RIMKLB: variants seen among roughly 807,000 people sequenced by gnomAD.
RIMKLB encodes ribosomal modification protein rimK like family member B, also known as beta-citrylglutamate synthase B.
Under a neutral mutation model 32.0 loss-of-function variants are expected in RIMKLB, and 7 were observed. The observed-to-expected ratio is 0.22, with a 90% CI of 0.12 to 0.41. The LOEUF is 0.41. Ranked by LOEUF, RIMKLB falls within the 10% of genes least tolerant of loss-of-function variation. RIMKLB has a pLI of 1.00. For synonymous variants in RIMKLB, 172 were observed against 185.1 expected (o/e 0.93, Z 0.57); for missense variants, 289 against 498.7 (o/e 0.58, Z 4.00).
the RIMKLB span, among the ~76,000 whole-genome samples, chr12:8,670,065 C>T: frequency 1.3e-5 from 2 of 149,366 alleles, no homozygotes; most frequent in African/African-American, 5.0e-5. Context: ...GGAATCAAGA[C>T]CCCCATGATT....
chr12:8,738,780 G>T (rs1180968933), intron 2 of RIMKLB, among the ~76,000 whole-genome samples: 1 of 152,170 alleles, frequency 6.6e-6, no homozygotes, highest in Non-Finnish European at 1.5e-5. Flanking sequence ...GAAGCTCCAA[G>T]AAATTTCATT....
Position 8,775,482 on chromosome 12 carries a change from C to T in RIMKLB, c.*1698C>T, listed in dbSNP as rs976353029. On this transcript the variant is annotated 3_prime_UTR_variant, in exon 6 of 6. Coordinates refer to ENST00000535829, the MANE Select transcript of RIMKLB (RefSeq NM_001297776.2). ...AAACAGCAAGTTTTCCATCTCCCTA[C>T]GAATCCTCTGAAGCTTTTACCCAAG... The T allele has an allele frequency of 5.1e-6, 5 of 985,650 alleles. No homozygotes were observed. In the African/African-American group the frequency reaches 5.2e-5, roughly 10 times the overall value. 61.1% of individuals were successfully genotyped at this position (985,650 alleles called of 1,614,324 possible). A position where few individuals can be genotyped will look rare whatever the true frequency, so the allele number is the denominator to read the frequency against.
upstream of RIMKLB, among the ~76,000 whole-genome samples, chr12:8,696,320 G>T (rs1942888827): frequency 6.6e-6 from 1 of 152,182 alleles, no homozygotes; most frequent in Non-Finnish European, 1.5e-5. Flanking sequence ...CAGAGTGGAA[G>T]TAAATAGCAA....
chr12:8,735,624 G>A (rs1360354163), intron 2 of RIMKLB, among the ~76,000 whole-genome samples: 1 of 151,948 alleles, frequency 6.6e-6, no homozygotes, highest in Non-Finnish European at 1.5e-5. Context: ...TTAGCTTTGG[G>A]TCAAAAATTT....
At chr12:8,759,945 T>A (rs959126983) in intron 5 of RIMKLB, among the ~76,000 whole-genome samples, 1 of 152,222 alleles carries the variant, frequency 6.6e-6, no homozygotes, top group African/African-American at 2.4e-5. Context: ...CATCTTTATT[T>A]TTTATTTATT....
chr12:8,738,651 A>T (rs1159579869), intron 2 of RIMKLB, among the ~76,000 whole-genome samples: 2 of 152,208 alleles, frequency 1.3e-5, no homozygotes, highest in Non-Finnish European at 2.9e-5. Flanking sequence ...ATTTAGTCTA[A>T]ATAAGAAAAG....
intron 5 of RIMKLB, among the ~76,000 whole-genome samples, chr12:8,770,516 T>C (rs1232005025): frequency 6.6e-6 from 1 of 152,214 alleles, no homozygotes; most frequent in Non-Finnish European, 1.5e-5. Context: ...TTACTCCTCA[T>C]ATTCATCTTC....
chr12:8,670,823 T>C, the RIMKLB span, among the ~76,000 whole-genome samples: 1 of 152,268 alleles, frequency 6.6e-6, no homozygotes, highest in African/African-American at 2.4e-5. Flanking sequence ...CAGCAAACTT[T>C]TGCTTGGGCA....
At chr12:8,706,500 G>C (rs929099029) in intron 1 of RIMKLB, among the ~76,000 whole-genome samples, 6 of 149,816 alleles carry the variant, frequency 4.0e-5, no homozygotes, top group African/African-American at 1.2e-4. Flanking sequence ...ACCCAGGCTG[G>C]AGTGCAATGG....
At chr12:8,742,641 A>G (rs1487325764) in intron 2 of RIMKLB, 1 of 260,420 alleles carries the variant, frequency 3.8e-6, no homozygotes, top group Non-Finnish European at 7.4e-6. Flanking sequence ...GCCATTGAAA[A>G]CTGTATTGAT....
At chr12:8,746,533 G>A (rs1428517969) in intron 2 of RIMKLB, among the ~76,000 whole-genome samples, 2 of 150,788 alleles carry the variant, frequency 1.3e-5, no homozygotes, top group African/African-American at 4.9e-5. Context: ...AGGAGGCAGA[G>A]GTTGCAGTGA....
At chr12:8,707,988 T>TC (rs1336428741) in intron 1 of RIMKLB, among the ~76,000 whole-genome samples, 2 of 152,190 alleles carry the variant, frequency 1.3e-5, no homozygotes, top group African/African-American at 4.8e-5. Flanking sequence ...ACAAATGGAA[T>TC]AAATGCTATT....
chr12:8,723,478 CAA>C (rs1437774830), intron 2 of RIMKLB, among the ~76,000 whole-genome samples: 1 of 152,198 alleles, frequency 6.6e-6, no homozygotes, highest in African/African-American at 2.4e-5. Flanking sequence ...CACAAAGACA[CAA>C]AGTGAGCACT....
upstream of RIMKLB, chr12:8,697,963 C>CTG (rs1942986389): frequency 6.6e-6 from 1 of 150,620 alleles, no homozygotes; most frequent in East Asian, 2.0e-4. Context: ...GTCGCGCGCG[C>CTG]TGTGTGTGAG....
chr12:8,691,749 A>T (rs1192471860), intron 1 of RIMKLB, among the ~76,000 whole-genome samples: 1 of 152,232 alleles, frequency 6.6e-6, no homozygotes, highest in African/African-American at 2.4e-5. Context: ...CCCCAGTCTA[A>T]GTCTTTCATT....
chr12:8,687,451 AG>A (rs1430272496), intron 1 of RIMKLB, among the ~76,000 whole-genome samples: 6 of 152,168 alleles, frequency 3.9e-5, no homozygotes, highest in Non-Finnish European at 8.8e-5. Flanking sequence ...TGAAACAAAA[AG>A]CTCCAGAGAA....
chr12:8,751,227 G>T (rs1305465318), intron 3 of RIMKLB, among the ~76,000 whole-genome samples: 1 of 152,174 alleles, frequency 6.6e-6, no homozygotes, highest in Non-Finnish European at 1.5e-5. Context: ...TATTACCTTT[G>T]TTCTATTGAT....
chr12:8,748,924 G>A (rs1734765928), intron 2 of RIMKLB, among the ~76,000 whole-genome samples: 1 of 151,976 alleles, frequency 6.6e-6, no homozygotes, highest in Non-Finnish European at 1.5e-5. Context: ...GGGTGACAGT[G>A]AGCCTTTGTC....
At chr12:8,690,692 A>G (rs1447334168) in intron 1 of RIMKLB, among the ~76,000 whole-genome samples, 10 of 152,344 alleles carry the variant, frequency 6.6e-5, no homozygotes, top group Admixed American at 1.3e-4. Flanking sequence ...TGGAAGGCCA[A>G]TGCAGGTGGA....
Sources: allele counts gnomAD v4.1 joint callset (sites outside exome capture counted in the v4.1 genomes callset), GRCh38; gene constraint gnomAD v4.1.1; transcripts MANE v1.5; gene names NCBI Gene and HGNC (gene_info 2026-07-23, HGNC 2026-07-21).